PPARGC1A: variants seen among roughly 807,000 people sequenced by gnomAD.
The protein encoded by PPARGC1A is peroxisome proliferator-activated receptor gamma coactivator 1-alpha.
PPARGC1A carries 25 observed loss-of-function variants against 88.7 expected under a neutral mutation model. The observed-to-expected ratio is 0.28, with a 90% CI of 0.21 to 0.39. The LOEUF is 0.39. Ranked by LOEUF, PPARGC1A falls within the 10% of genes least tolerant of loss-of-function variation. PPARGC1A has a pLI of 1.00. For missense variants in PPARGC1A, 880 were observed against 968.7 expected, an observed-to-expected ratio of 0.91 and a Z score of 1.22; for synonymous variants, 363 against 355.6, an observed-to-expected ratio of 1.02 and a Z score of -0.24.
the PPARGC1A span, among the ~76,000 whole-genome samples, chr4:24,311,086 CTTTTTTTTTTTTTTTTTTT>C: frequency 5.0e-5 from 3 of 59,922 alleles, no homozygotes; most frequent in East Asian, 1.2e-3. Flanking sequence ...TATAATAATT[CTTTTTTTTTTTTTTTTTTT>C]TTTTTTTTTT....
chr4:24,061,336 A>G, the PPARGC1A span, among the ~76,000 whole-genome samples: 298 of 152,346 alleles, frequency 2.0e-3, no homozygotes, highest in African/African-American at 6.9e-3. Flanking sequence ...CAGGCAACTC[A>G]GGAAAAGCAT....
the PPARGC1A span, among the ~76,000 whole-genome samples, chr4:23,913,308 AAAG>A: frequency 7.8e-6 from 1 of 128,496 alleles, no homozygotes; most frequent in South Asian, 2.5e-4. Flanking sequence ...AGAGAGAGAG[AAAG>A]AGAAAATCTG....
the PPARGC1A span, among the ~76,000 whole-genome samples, chr4:24,277,154 G>A: frequency 2.0e-5 from 3 of 152,024 alleles, no homozygotes; most frequent in Admixed American, 6.5e-5. Flanking sequence ...GTGCAGTGGT[G>A]TGCTCACAGC....
At chr4:23,976,959 G>GAGGAAA in the PPARGC1A span, among the ~76,000 whole-genome samples, 2 of 151,942 alleles carry the variant, frequency 1.3e-5, no homozygotes, top group African/African-American at 4.8e-5. Context: ...GAAGGAAGAA[G>GAGGAAA]AGGAAAAGGA....
At chr4:23,846,297 T>C (rs1168149732) in intron 2 of PPARGC1A, among the ~76,000 whole-genome samples, 1 of 152,198 alleles carries the variant, frequency 6.6e-6, no homozygotes, top group Non-Finnish European at 1.5e-5. Context: ...ATGTTGGAGA[T>C]GAGAAGCCTG....
chr4:24,088,959 G>C, the PPARGC1A span, among the ~76,000 whole-genome samples: 1 of 152,120 alleles, frequency 6.6e-6, no homozygotes, highest in African/African-American at 2.4e-5. Context: ...CTGTAAAATG[G>C]GGATAATCAT....
the PPARGC1A span, among the ~76,000 whole-genome samples, chr4:24,289,515 A>C: frequency 4.6e-4 from 70 of 152,304 alleles, no homozygotes; most frequent in African/African-American, 1.6e-3. Flanking sequence ...AGTTTTCTCC[A>C]CATAGAAAAT....
the PPARGC1A span, among the ~76,000 whole-genome samples, chr4:24,383,439 AG>A: frequency 1.9e-3 from 287 of 152,280 alleles, 3 homozygotes; most frequent in African/African-American, 6.4e-3. Flanking sequence ...GAGCTAAAGG[AG>A]CATGTTCTAA....
the PPARGC1A span, among the ~76,000 whole-genome samples, chr4:24,183,758 T>C: frequency 6.6e-6 from 1 of 152,226 alleles, no homozygotes; most frequent in South Asian, 2.1e-4. Flanking sequence ...GAAAAGGATC[T>C]ACATGTGATA....
At chr4:24,135,767 C>T in the PPARGC1A span, among the ~76,000 whole-genome samples, 2 of 152,142 alleles carry the variant, frequency 1.3e-5, no homozygotes, top group African/African-American at 4.8e-5. Flanking sequence ...ATTTATTTTG[C>T]CTTTCAAGGG....
At chr4:24,003,421 C>T in the PPARGC1A span, among the ~76,000 whole-genome samples, 52,638 of 151,854 alleles carry the variant, frequency 0.35, 9,496 homozygotes, top group African/African-American at 0.41. Context: ...AGAATTAGGA[C>T]GAAAAAAATG....
At chr4:24,417,072 G>T in the PPARGC1A span, among the ~76,000 whole-genome samples, 1 of 151,718 alleles carries the variant, frequency 6.6e-6, no homozygotes, top group Non-Finnish European at 1.5e-5. Context: ...AGAAATTTGG[G>T]GATAGGAACT....
At chr4:23,891,548 C>G (rs1172023280), upstream of PPARGC1A, among the ~76,000 whole-genome samples, 2 of 152,128 alleles carry the variant, frequency 1.3e-5, no homozygotes, top group Non-Finnish European at 2.9e-5. Context: ...AAACAAAATA[C>G]CAGCAGACTG....
chr4:24,044,040 G>A, the PPARGC1A span, among the ~76,000 whole-genome samples: 3,197 of 152,170 alleles, frequency 0.021, 50 homozygotes, highest in Non-Finnish European at 0.032. Context: ...ATAAGTGTAC[G>A]CTGGCTTTCA....
At chr4:23,802,436 T>C in intron 10 of PPARGC1A, 91 bp from the exon 11 acceptor site, 1 of 1,499,474 alleles carries the variant, frequency 6.7e-7, no homozygotes, top group Non-Finnish European at 9.1e-7. Flanking sequence ...TCCCAGCACT[T>C]TGGGAGGCCG....
chr4:23,795,736 G>T lies in PPARGC1A; in HGVS notation c.*86C>A. The stretch of plus-strand genomic sequence containing the variant: ...AGTGTAAAGTAGGAGAAATTCCTAA[G>T]TATGACTTGCAATAGTCTTTAGGGA... On this transcript the variant is annotated 3_prime_UTR_variant, in exon 13 of 13. Transcript: ENST00000264867. The T allele has an allele frequency of 9.8e-7, 1 of 1,018,896 alleles. No homozygotes were observed. Among genetic ancestry groups the T allele is most frequent in the Non-Finnish European group, 1.4e-6 (1 of 692,088 alleles). 63.1% of individuals were successfully genotyped at this position (1,018,896 alleles called of 1,614,324 possible). A position where few individuals can be genotyped will look rare whatever the true frequency, so the allele number is the denominator to read the frequency against.
At chr4:23,844,409 AATAATAT>A (rs1415541533) in intron 2 of PPARGC1A, among the ~76,000 whole-genome samples, 2 of 126,508 alleles carry the variant, frequency 1.6e-5, no homozygotes, top group African/African-American at 6.1e-5. Context: ...TTTATCATAT[AATAATAT>A]ATAATATATT....
At chr4:24,348,645 T>C in the PPARGC1A span, among the ~76,000 whole-genome samples, 16 of 152,304 alleles carry the variant, frequency 1.1e-4, no homozygotes, top group East Asian at 2.9e-3. Context: ...GTGTCCAAAG[T>C]TTCCTGAATT....
At chr4:24,437,515 G>T in the PPARGC1A span, among the ~76,000 whole-genome samples, 1 of 152,164 alleles carries the variant, frequency 6.6e-6, no homozygotes, top group Non-Finnish European at 1.5e-5. Context: ...AGGAGATGAG[G>T]CTGGCAACCC....
Sources: gnomAD v4.1 joint callset for allele counts (sites outside exome capture counted in the v4.1 genomes callset) on GRCh38, gnomAD v4.1.1 for gene constraint, MANE v1.5 for transcripts, NCBI Gene and HGNC (gene_info 2026-07-23, HGNC 2026-07-21) for gene names.